Variants in WDFY4 observed in about 807,000 individuals in gnomAD.
WDFY4 encodes the protein WD repeat- and FYVE domain-containing protein 4.
WDFY4 carries 169 observed loss-of-function variants against 351.9 expected under a neutral mutation model. That is an observed-to-expected ratio of 0.48 (90% CI 0.42 to 0.55). The LOEUF is 0.55. Among genes scored for constraint, WDFY4 ranks in the 20% least tolerant of loss-of-function variants. The pLI, the probability that WDFY4 is intolerant of heterozygous loss-of-function variation, is 0.00. For synonymous variants in WDFY4, 1,622 were observed against 1,574.6 expected, an observed-to-expected ratio of 1.03 and a Z score of -0.71; for missense variants, 3,803 against 3,935.6, an observed-to-expected ratio of 0.97 and a Z score of 0.90.
intron 50 of WDFY4, among the ~76,000 whole-genome samples, chr10:48,946,431 G>A (rs1473495850): frequency 6.6e-6 from 1 of 152,246 alleles, no homozygotes; most frequent in Non-Finnish European, 1.5e-5. Context: ...ATGCTAAGAG[G>A]TAATGACTCC....
chr10:48,838,651 T>G (rs1481606062), intron 39 of WDFY4, among the ~76,000 whole-genome samples: 1 of 152,242 alleles, frequency 6.6e-6, no homozygotes, highest in Non-Finnish European at 1.5e-5. Context: ...ATCCATCACT[T>G]GACTTCAACA....
chr10:48,810,037 G>A (rs949968065), intron 28 of WDFY4, among the ~76,000 whole-genome samples: 5 of 146,078 alleles, frequency 3.4e-5, no homozygotes, highest in Non-Finnish European at 6.1e-5. Flanking sequence ...TGAAAGTGAC[G>A]TTAATCATGT....
At chr10:48,787,983 T>TCTC (rs1459810189) in intron 20 of WDFY4, among the ~76,000 whole-genome samples, 4 of 81,512 alleles carry the variant, frequency 4.9e-5, no homozygotes, top group East Asian at 4.9e-4. Flanking sequence ...TTCTTCTTCT[T>TCTC]CTCCTTCTCC....
At chr10:48,896,190 G>A (rs2133388162) in intron 44 of WDFY4, among the ~76,000 whole-genome samples, 1 of 152,324 alleles carries the variant, frequency 6.6e-6, no homozygotes, top group Non-Finnish European at 1.5e-5. Context: ...ATGGTCTGCA[G>A]GGGAGACAGA....
intron 55 of WDFY4, 166 bp from the exon 56 acceptor site, chr10:48,968,898 A>T: frequency 1.5e-6 from 1 of 672,168 alleles, no homozygotes; most frequent in Non-Finnish European, 2.5e-6. Flanking sequence ...GTTCAAGTCC[A>T]GTGTGTCTGC....
chr10:48,774,666 T>A lies in WDFY4; in HGVS notation c.2762T>A (p.Val921Glu), dbSNP rs1298678255. 6 of 1,551,542 alleles carry A rather than the reference T, an allele frequency of 3.9e-6. No homozygotes were observed. Among genetic ancestry groups the A allele is most frequent in the Non-Finnish European group, 5.2e-6 (6 of 1,146,976 alleles). Residue 921 changes from valine to glutamate, a missense_variant, in exon 14 of 62, where the codon GTG (valine) becomes GAG (glutamate). By Grantham distance (121) the Val-to-Glu change is moderately radical. This residue lies in a region of WDFY4 where 3,054 missense variants were observed against 3,148.6 expected (regional missense o/e 0.97). Transcript: ENST00000325239. ...GCTTCCCAGGCCATTGAACCGGATG[T>A]GCTAAGGTACCACATGCTGCATATT... is the stretch of plus-strand genomic sequence containing the variant. ...KLASQAIEPD[V>E]LRQFLGLGIP...
At chr10:48,722,568 C>G (rs926934558) in intron 4 of WDFY4, among the ~76,000 whole-genome samples, 3 of 152,236 alleles carry the variant, frequency 2.0e-5, no homozygotes, top group African/African-American at 7.2e-5. Flanking sequence ...CTGACTTCCC[C>G]AACATGTCTG....
chr10:48,786,896 T>A (rs1025880289), intron 20 of WDFY4, 26 bp downstream of exon 20: 1 of 1,534,740 alleles, frequency 6.5e-7, no homozygotes, highest in East Asian at 2.5e-5. Flanking sequence ...ATTTACAATG[T>A]TCTTGCTGAT....
At chr10:48,700,187 A>C (rs1415900890) in intron 1 of WDFY4, among the ~76,000 whole-genome samples, 1 of 152,194 alleles carries the variant, frequency 6.6e-6, no homozygotes, top group Non-Finnish European at 1.5e-5. Context: ...GTCTCAGAGC[A>C]CTGGTCCTTC....
rs139461421 is a variant in WDFY4 at position 48,946,061 on chromosome 10, A to G, written c.7771A>G (p.Lys2591Glu). 9 of 1,545,398 alleles carry G rather than the reference A, an allele frequency of 5.8e-6. No homozygotes were observed. Among genetic ancestry groups the G allele is most frequent in the Non-Finnish European group, 7.9e-6 (9 of 1,145,290 alleles). ...CTAGACATTGAACTTGGCAAATCCG[A>G]AGATTTTCCGGGATCTTTCAAAGCC... is the stretch of plus-strand genomic sequence containing the variant. ...TSETLNLANPKIFRDLSKPMG... is the reference protein window; with the variant it reads ...TSETLNLANPEIFRDLSKPMG... The change falls in exon 50 of 62, where the codon AAG becomes GAG. Residue 2591 changes from lysine to glutamate, a missense_variant. Coordinates refer to ENST00000325239, the MANE Select transcript of WDFY4 (RefSeq NM_001394531.1).
intron 2 of WDFY4, among the ~76,000 whole-genome samples, chr10:48,714,804 G>T (rs148040088): frequency 6.6e-6 from 1 of 152,224 alleles, no homozygotes; most frequent in Non-Finnish European, 1.5e-5. Context: ...AGACAACTTG[G>T]GAGGTGGGAC....
intron 39 of WDFY4, among the ~76,000 whole-genome samples, chr10:48,861,398 C>T (rs2069338645): frequency 6.6e-6 from 1 of 152,104 alleles, no homozygotes; most frequent in Non-Finnish European, 1.5e-5. Context: ...GACAAATTCT[C>T]TTAATTTTAC....
In WDFY4 at chr10:48,723,541, C is replaced by A; in HGVS notation, c.565C>A (p.Leu189Ile). 1 of 1,551,972 alleles carries A rather than the reference C, an allele frequency of 6.4e-7. No homozygotes were observed. The highest frequency in any genetic ancestry group is 8.7e-7 in the Non-Finnish European group (1 of 1,147,068). ...LDKDELLESDLQVQKMFVQML... is the reference protein window; with the variant it reads ...LDKDELLESDIQVQKMFVQML... ...CAAAGATGAGCTTCTTGAGAGTGAT[C>A]TTCAAGTTCAAAAGATGTTCGTGCA... The change falls in exon 5 of 62, where the codon CTT becomes ATT. Residue 189 changes from leucine to isoleucine, a missense_variant. By Grantham distance (5) the Leu-to-Ile change is conservative. Transcript: ENST00000325239.
At chr10:48,951,064 T>C (rs917479141) in intron 51 of WDFY4, among the ~76,000 whole-genome samples, 1 of 152,226 alleles carries the variant, frequency 6.6e-6, no homozygotes, top group East Asian at 1.9e-4. Context: ...AGACCCCCTA[T>C]TGCTGTGCGG....
intron 51 of WDFY4, among the ~76,000 whole-genome samples, chr10:48,950,101 A>C (rs920298394): frequency 6.6e-6 from 1 of 152,178 alleles, no homozygotes; most frequent in Non-Finnish European, 1.5e-5. Flanking sequence ...CAGTGTCATT[A>C]AGTGCATACA....
chr10:48,857,487 A>G (rs1021504164), intron 39 of WDFY4, among the ~76,000 whole-genome samples: 1 of 152,188 alleles, frequency 6.6e-6, no homozygotes, highest in African/African-American at 2.4e-5. Context: ...AACACGGGAA[A>G]AAAAAGGCAA....
chr10:48,976,373 G>GAGCCACATGCA (rs1177213564), intron 58 of WDFY4, among the ~76,000 whole-genome samples: 3 of 152,210 alleles, frequency 2.0e-5, no homozygotes, highest in Non-Finnish European at 4.4e-5. Context: ...TGCAGTCATT[G>GAGCCACATGCA]GAACTTCTGT....
chr10:48,903,982 A>G (rs944632368), intron 47 of WDFY4, among the ~76,000 whole-genome samples: 2 of 152,200 alleles, frequency 1.3e-5, no homozygotes, highest in African/African-American at 2.4e-5. Context: ...CAGAAACTGT[A>G]GGTGTGGAAG....
intron 47 of WDFY4, among the ~76,000 whole-genome samples, chr10:48,919,748 T>C (rs1405638691): frequency 1.3e-5 from 2 of 152,204 alleles, no homozygotes; most frequent in Admixed American, 1.3e-4. Flanking sequence ...CCTCATGATC[T>C]AAATGCCTCA....
Sources: allele counts gnomAD v4.1 joint callset (sites outside exome capture counted in the v4.1 genomes callset), GRCh38; gene constraint gnomAD v4.1.1; regional missense constraint gnomAD v4.1.1; transcripts MANE v1.5; gene names NCBI Gene and HGNC (gene_info 2026-07-23, HGNC 2026-07-21).